Variants in SH3RF3 observed in about 807,000 individuals in gnomAD.
SH3RF3 encodes the protein SH3 domain containing ring finger 3.
In SH3RF3, 29 loss-of-function variants were observed where a neutral mutation model predicts 66.3. The observed-to-expected ratio is 0.44, with a 90% CI of 0.33 to 0.60. The LOEUF (loss-of-function observed/expected upper bound fraction) is 0.60, where lower values mean the gene tolerates loss of function less well. Ranked by LOEUF, SH3RF3 falls within the 20% of genes least tolerant of loss-of-function variation. The pLI, the probability that SH3RF3 is intolerant of heterozygous loss-of-function variation, is 0.04. For missense variants in SH3RF3, 1,194 were observed against 1,190.9 expected (o/e 1.00, Z -0.04); for synonymous variants, 583 against 532.0 (o/e 1.10, Z -1.32).
chr2:109,185,563 C>T (rs1678165532), intron 1 of SH3RF3, among the ~76,000 whole-genome samples: 1 of 152,204 alleles, frequency 6.6e-6, no homozygotes, highest in Non-Finnish European at 1.5e-5. Context: ...GGTGGAGTCT[C>T]TGTCTCTTTG....
chr2:109,136,227 A>G (rs897525369), intron 1 of SH3RF3, among the ~76,000 whole-genome samples: 7 of 139,222 alleles, frequency 5.0e-5, no homozygotes, highest in Admixed American at 6.8e-5. Context: ...GAGGTGCATT[A>G]AAAAAAAACA....
chr2:109,425,958 C>T (rs1238469122), intron 5 of SH3RF3, among the ~76,000 whole-genome samples: 1 of 152,168 alleles, frequency 6.6e-6, no homozygotes, highest in Non-Finnish European at 1.5e-5. Context: ...AGTGCAGTGG[C>T]ATGATCTTGG....
chr2:109,208,318 A>G (rs527261292), intron 1 of SH3RF3, among the ~76,000 whole-genome samples: 1 of 152,224 alleles, frequency 6.6e-6, no homozygotes, highest in African/African-American at 2.4e-5. Flanking sequence ...CTTCCCTTAA[A>G]CCTGGGCTCC....
At chr2:109,321,354 G>T (rs1021115241) in intron 1 of SH3RF3, among the ~76,000 whole-genome samples, 1 of 152,188 alleles carries the variant, frequency 6.6e-6, no homozygotes, top group South Asian at 2.1e-4. Flanking sequence ...ATACCAGAAC[G>T]TCATCATTCA....
rs535570858 is a variant in SH3RF3 at position 109,436,643 on chromosome 2, T to C, written c.1575-250T>C. Among the ~76,000 whole-genome samples, 20 of 152,368 alleles carry C rather than the reference T, an allele frequency of 1.3e-4. No homozygotes were observed. In the South Asian group the frequency reaches 2.7e-3, roughly 20 times the overall value. ...TGTGGTATAAAAGATTTCGTTCAGC[T>C]CATTCCTCTGTTTCTCAGGGCGGCT... On this transcript the variant is annotated intron_variant, in intron 6 of 9. Transcript: ENST00000309415.
At chr2:109,209,434 T>G (rs1266094355) in intron 1 of SH3RF3, among the ~76,000 whole-genome samples, 1 of 152,196 alleles carries the variant, frequency 6.6e-6, no homozygotes, top group Non-Finnish European at 1.5e-5. Context: ...CCTGGCCGAT[T>G]CCAAGCTGCT....
intron 1 of SH3RF3, among the ~76,000 whole-genome samples, chr2:109,279,928 G>T (rs1256821120): frequency 6.6e-6 from 1 of 151,864 alleles, no homozygotes; most frequent in Non-Finnish European, 1.5e-5. Context: ...ATTGGGGGGC[G>T]GTAAGAGGTG....
At position 109,130,072 on chromosome 2, in the gene SH3RF3, C is replaced by A; in HGVS notation, c.532C>A (p.Leu178Met). ...SAAAGSTAGS[L>M]RELATSRTAP... is the part of the protein sequence containing the mutation. ...GGCCGCGGGCAGCACCGCCGGCAGT[C>A]TGCGGGAGCTGGCGACCAGCAGGAC... Residue 178 changes from leucine to methionine, a missense_variant, in exon 1 of 10, where the codon CTG (leucine) becomes ATG (methionine). Leu to Met is a conservative substitution (Grantham distance 15). Coordinates refer to ENST00000309415, the MANE Select transcript of SH3RF3 (RefSeq NM_001099289.3). 7.3e-7 allele frequency: 1 copy of A among 1,367,090 alleles called. No homozygotes were observed. Among genetic ancestry groups the A allele is most frequent in the East Asian group, 3.1e-5 (1 of 32,392 alleles). 84.7% of individuals were successfully genotyped at this position (1,367,090 alleles called of 1,614,324 possible). A position where few individuals can be genotyped will look rare whatever the true frequency, so the allele number is the denominator to read the frequency against.
chr2:109,421,077 C>T (rs1469237573), intron 5 of SH3RF3, among the ~76,000 whole-genome samples: 1 of 152,228 alleles, frequency 6.6e-6, no homozygotes, highest in Non-Finnish European at 1.5e-5. Context: ...TCAGTTCTGG[C>T]AGCTTCAGGC....
intron 9 of SH3RF3, among the ~76,000 whole-genome samples, chr2:109,495,927 A>C (rs1558646274): frequency 6.6e-6 from 1 of 152,240 alleles, no homozygotes; most frequent in Non-Finnish European, 1.5e-5. Context: ...CAACAATAAT[A>C]ATATATGCTA....
At chr2:109,420,478 C>T (rs1308117824) in intron 5 of SH3RF3, among the ~76,000 whole-genome samples, 1 of 152,140 alleles carries the variant, frequency 6.6e-6, no homozygotes, top group Non-Finnish European at 1.5e-5. Context: ...TGGAGTCTTG[C>T]TCTGTCTCCC....
chr2:109,185,705 T>G (rs1056337722), intron 1 of SH3RF3, among the ~76,000 whole-genome samples: 7 of 152,192 alleles, frequency 4.6e-5, no homozygotes, highest in Admixed American at 4.6e-4. Flanking sequence ...AAAAGACGAT[T>G]TCTGGAAAGG....
chr2:109,357,593 G>A (rs1430908551), intron 2 of SH3RF3, among the ~76,000 whole-genome samples: 1 of 152,202 alleles, frequency 6.6e-6, no homozygotes, highest in Non-Finnish European at 1.5e-5. Context: ...GATGAGTTGT[G>A]TTTGCTCTTG....
intron 8 of SH3RF3, among the ~76,000 whole-genome samples, chr2:109,455,624 C>T (rs1394910944): frequency 6.6e-6 from 1 of 152,198 alleles, no homozygotes; most frequent in Non-Finnish European, 1.5e-5. Flanking sequence ...GAGGATGAAG[C>T]TCTTTTGAGT....
chr2:109,191,314 G>A (rs1466434950), intron 1 of SH3RF3, among the ~76,000 whole-genome samples: 1 of 152,230 alleles, frequency 6.6e-6, no homozygotes, highest in East Asian at 1.9e-4. Flanking sequence ...CAATGCCCTG[G>A]AGAATCATTA....
chr2:109,239,894 G>A (rs1197218391), intron 1 of SH3RF3, among the ~76,000 whole-genome samples: 1 of 152,220 alleles, frequency 6.6e-6, no homozygotes, highest in African/African-American at 2.4e-5. Context: ...TGCTGAAGGT[G>A]AGGAGTCACT....
chr2:109,430,667 G>A (rs1054839842), intron 5 of SH3RF3, among the ~76,000 whole-genome samples: 1 of 152,166 alleles, frequency 6.6e-6, no homozygotes, highest in African/African-American at 2.4e-5. Context: ...TCCCTTAGTG[G>A]TATTTCCTCT....
rs1678569548 is a variant in SH3RF3, at chr2:109,198,846, G to A, written c.573+68733G>A. Among the ~76,000 whole-genome samples the A allele has an allele frequency of 3.3e-5, 5 of 152,210 alleles. No homozygotes were observed. In the South Asian group the frequency reaches 1.0e-3, roughly 32 times the overall value. On this transcript the variant is annotated intron_variant, in intron 1 of 9. Coordinates refer to ENST00000309415, the MANE Select transcript of SH3RF3 (RefSeq NM_001099289.3). Reference sequence around the variant, plus strand: ...GCCTGTGTTCCCCGGCTGCAGACCTGTGCAGGATGTGACTATACTGAACAC... The same window carrying A: ...GCCTGTGTTCCCCGGCTGCAGACCTATGCAGGATGTGACTATACTGAACAC...
chr2:109,349,737 C>T (rs890179303), intron 2 of SH3RF3, among the ~76,000 whole-genome samples: 8 of 152,212 alleles, frequency 5.3e-5, no homozygotes, highest in East Asian at 1.9e-4. Flanking sequence ...AACGGGCTGT[C>T]GCAGGGCCCT....
Sources: allele counts gnomAD v4.1 joint callset (sites outside exome capture counted in the v4.1 genomes callset), GRCh38; gene constraint gnomAD v4.1.1; transcripts MANE v1.5; gene names NCBI Gene and HGNC (gene_info 2026-07-23, HGNC 2026-07-21).